Variants in ATE1 observed in about 807,000 individuals in gnomAD.
ATE1 encodes arginyltransferase 1.
Under a neutral mutation model 70.5 loss-of-function variants are expected in ATE1, and 36 were observed. The ratio of observed to expected loss-of-function variants is 0.51; its 90% CI spans 0.39 to 0.67. The LOEUF (loss-of-function observed/expected upper bound fraction) is 0.67, where lower values mean the gene tolerates loss of function less well. Among genes scored for constraint, ATE1 ranks in the 30% least tolerant of loss-of-function variants. The pLI, the probability that ATE1 is intolerant of heterozygous loss-of-function variation, is 0.00. For missense variants in ATE1, 593 were observed against 629.5 expected, an observed-to-expected ratio of 0.94 and a Z score of 0.62; for synonymous variants, 232 against 219.3, an observed-to-expected ratio of 1.06 and a Z score of -0.51.
intron 7 of ATE1, among the ~76,000 whole-genome samples, chr10:121,870,428 GAAGATATAAACC>G (rs2134021694): frequency 6.6e-6 from 1 of 152,248 alleles, no homozygotes; most frequent in East Asian, 1.9e-4. Flanking sequence ...GCCAAGAGAA[GAAGATATAAACC>G]AATGAGGAGA....
intron 8 of ATE1, among the ~76,000 whole-genome samples, chr10:121,845,905 A>T (rs1162909258): frequency 6.6e-6 from 1 of 152,214 alleles, no homozygotes; most frequent in Admixed American, 6.5e-5. Flanking sequence ...ATATATATGC[A>T]TTAGCATACA....
At chr10:121,873,722 T>C (rs1485136892) in intron 7 of ATE1, among the ~76,000 whole-genome samples, 1 of 151,562 alleles carries the variant, frequency 6.6e-6, no homozygotes, top group Non-Finnish European at 1.5e-5. Flanking sequence ...AGAAAAATGA[T>C]AATTATTTTC....
intron 8 of ATE1, among the ~76,000 whole-genome samples, chr10:121,850,143 T>C (rs998029274): frequency 1.3e-5 from 2 of 152,180 alleles, no homozygotes; most frequent in Non-Finnish European, 2.9e-5. Flanking sequence ...CCTCAACCTA[T>C]CCACACAGTT....
intron 5 of ATE1, among the ~76,000 whole-genome samples, chr10:121,906,534 A>T (rs1951199197): frequency 6.6e-6 from 1 of 150,836 alleles, no homozygotes; most frequent in Admixed American, 6.7e-5. Flanking sequence ...GTCTCAAAAT[A>T]AAATAAAATA....
chr10:121,927,479 G>A, intron 1 of ATE1: 3 of 985,142 alleles, frequency 3.0e-6, no homozygotes, highest in African/African-American at 1.7e-5. Context: ...CTCGCTCCCG[G>A]GACGCTCCCA....
chr10:121,862,404 T>G (rs1250067004), intron 8 of ATE1, among the ~76,000 whole-genome samples: 1 of 152,116 alleles, frequency 6.6e-6, no homozygotes, highest in Non-Finnish European at 1.5e-5. Flanking sequence ...TTTCTTTCTT[T>G]GGAGTGCAGT....
chr10:121,832,975 G>A (rs1435223106), intron 10 of ATE1, among the ~76,000 whole-genome samples: 1 of 152,126 alleles, frequency 6.6e-6, no homozygotes, highest in African/African-American at 2.4e-5. Context: ...GCCTTGACAG[G>A]TCCCAACAAA....
chr10:121,795,383 C>T (rs574181331), intron 10 of ATE1, among the ~76,000 whole-genome samples: 1 of 152,140 alleles, frequency 6.6e-6, no homozygotes, highest in Non-Finnish European at 1.5e-5. Flanking sequence ...TAATTCACAA[C>T]CTACTGGGAG....
In ATE1 at chr10:121,894,769, C is replaced by T. The variant is rs185661143; in HGVS notation, c.942+5097G>A. ...CAAAAAAATTAGCCGGGCGTGGTGG[C>T]GGGCACCTGTAGTCCCAGCTACTTG... On this transcript the variant is annotated intron_variant, in intron 7 of 11. Coordinates refer to ENST00000224652, the MANE Select transcript of ATE1 (RefSeq NM_001001976.3). Among the ~76,000 whole-genome samples, 28 of 152,040 alleles carry T rather than the reference C, an allele frequency of 1.8e-4. 1 individual carries two copies. The East Asian group carries it at 3.5e-3, about 19-fold the overall frequency.
chr10:121,915,921 A>C (rs969111877), intron 3 of ATE1, among the ~76,000 whole-genome samples: 44 of 149,660 alleles, frequency 2.9e-4, no homozygotes, highest in South Asian at 2.1e-4. Context: ...CAAAACAAAA[A>C]AAAACAAGAA....
At chr10:121,815,106 A>C (rs1947483204) in intron 10 of ATE1, among the ~76,000 whole-genome samples, 1 of 152,204 alleles carries the variant, frequency 6.6e-6, no homozygotes, top group Admixed American at 6.5e-5. Context: ...ACACACCAGA[A>C]CTGGAAAAAG....
chr10:121,782,489 CA>C (rs1236244414), intron 11 of ATE1: 1 of 152,162 alleles, frequency 6.6e-6, no homozygotes, highest in African/African-American at 2.4e-5. Context: ...ATTGGCTAAG[CA>C]AAGTTTTTAA....
intron 8 of ATE1, among the ~76,000 whole-genome samples, chr10:121,856,594 A>G (rs1304774626): frequency 6.6e-6 from 1 of 152,256 alleles, no homozygotes; most frequent in Non-Finnish European, 1.5e-5. Context: ...AGACCACTGC[A>G]ATAAAGTGAA....
intron 8 of ATE1, among the ~76,000 whole-genome samples, chr10:121,863,902 A>G (rs916390982): frequency 3.9e-5 from 6 of 152,216 alleles, no homozygotes; most frequent in Admixed American, 1.3e-4. Flanking sequence ...GCATAAGCCA[A>G]CTTTCCTAGG....
At position 121,745,562 on chromosome 10, in the gene ATE1, C is replaced by A. The variant is rs368743414; in HGVS notation, c.1379-1704G>T. 1.1e-3 allele frequency among the ~76,000 whole-genome samples: 171 copies of A among 151,946 alleles called. 1 individual carries two copies. The highest frequency in any genetic ancestry group is 3.5e-3 in the African/African-American group (145 of 41,434). On this transcript the variant is annotated intron_variant, in intron 11 of 11. Transcript: ENST00000224652. ...AAACCCCGTCTCTACTAAAAAAAAA[C>A]CAAAAAACAAAAAAATTAGCCAGGC...
chr10:121,849,744 G>A lies in ATE1; in HGVS notation c.976-8481C>T, dbSNP rs115430263. ...CAATCAGTACAATTTTTTTCAACAG[G>A]TACGTGGCAGCTGTGGAGAATGAGT... is the stretch of plus-strand genomic sequence containing the variant. On this transcript the variant is annotated intron_variant, in intron 8 of 11. Transcript: ENST00000224652. 7.0e-3 allele frequency among the ~76,000 whole-genome samples: 1,068 copies of A among 152,064 alleles called. 9 individuals are homozygous for A. The highest frequency in any genetic ancestry group is 0.024 in the African/African-American group (1,004 of 41,470).
intron 7 of ATE1, among the ~76,000 whole-genome samples, chr10:121,870,642 C>T (rs1049309530): frequency 2.6e-5 from 4 of 152,110 alleles, no homozygotes; most frequent in Non-Finnish European, 4.4e-5. Context: ...TCCCTTTCTC[C>T]CTTCTCTCTC....
intron 10 of ATE1, among the ~76,000 whole-genome samples, chr10:121,802,382 C>T (rs886487990): frequency 2.0e-5 from 3 of 152,038 alleles, no homozygotes; most frequent in South Asian, 2.1e-4. Flanking sequence ...CATCTTGGCC[C>T]ACTGCAACCT....
chr10:121,766,266 G>A (rs2135831659), intron 11 of ATE1, among the ~76,000 whole-genome samples: 1 of 152,238 alleles, frequency 6.6e-6, no homozygotes, highest in South Asian at 2.1e-4. Flanking sequence ...TCTTCATGGT[G>A]GAGTCAGACG....
Sources: allele counts gnomAD v4.1 joint callset (sites outside exome capture counted in the v4.1 genomes callset), GRCh38; gene constraint gnomAD v4.1.1; transcripts MANE v1.5; gene names NCBI Gene and HGNC (gene_info 2026-07-23, HGNC 2026-07-21).